The following ADAR variants were observed in gnomAD, a reference collection of about 807,000 sequenced individuals.
ADAR encodes the protein adenosine deaminase RNA specific.
Under a neutral mutation model 113.2 loss-of-function variants are expected in ADAR, and 41 were observed. The ratio of observed to expected loss-of-function variants is 0.36; its 90% CI spans 0.28 to 0.47. The LOEUF is 0.47. Among genes scored for constraint, ADAR ranks in the 20% least tolerant of loss-of-function variants. ADAR has a pLI of 1.00. For missense variants in ADAR, 1,242 were observed against 1,540.9 expected, an observed-to-expected ratio of 0.81 and a Z score of 3.25; for synonymous variants, 605 against 572.6, an observed-to-expected ratio of 1.06 and a Z score of -0.81.
At position 154,601,420 on chromosome 1, in the gene ADAR, T is replaced by C. The variant is rs773065672; in HGVS notation, c.1222A>G (p.Lys408Glu). The C allele has an allele frequency of 1.9e-6, 3 of 1,614,136 alleles. No individual in the cohort carries two copies. Among genetic ancestry groups the C allele is most frequent in the Non-Finnish European group, 2.5e-6 (3 of 1,180,062 alleles). Residue 408 changes from lysine (K) to glutamate (E), a missense_variant, in exon 2 of 15, where the codon AAA becomes GAA. Coordinates refer to ENST00000368474, the MANE Select transcript of ADAR (RefSeq NM_001111.5). The surrounding 1 kb of genome is among the most constrained non-coding windows in gnomAD (Gnocchi z 4.7). The part of the protein sequence containing the change: ...NASNNMVTTE[K>E]VENGQEPVIK... ...ACAGGTTCCTGCCCATTCTCCACTT[T>C]TTCTGTGGTTACCATGTTATTTGAG...
At chr1:154,589,983 A>T in intron 7 of ADAR, 55 bp from the exon 8 acceptor site, 1 of 1,605,336 alleles carries the variant, frequency 6.2e-7, no homozygotes, top group South Asian at 1.1e-5. Flanking sequence ...TGTCCACCAT[A>T]TTCACCGTGG....
At chr1:154,608,325 G>C (rs1244509203), upstream of ADAR, 1 of 420,464 alleles carries the variant, frequency 2.4e-6, no homozygotes, top group East Asian at 4.4e-5. Context: ...AACTACGGAA[G>C]GTACTTTTTT....
At chr1:154,585,454 C>T (rs1307493221) in intron 13 of ADAR, 110 bp from the exon 14 acceptor site, 6 of 1,524,252 alleles carry the variant, frequency 3.9e-6, no homozygotes, top group African/African-American at 1.4e-5. Flanking sequence ...CATGATCTTT[C>T]CCCTGTATTT....
At position 154,584,002 on chromosome 1, in the gene ADAR, T is replaced by G. The variant is rs185856413; in HGVS notation, c.*804A>C. ...TATTCCAAGGCATGCCCGTGCTCCCTGGGAAGTGGTCTGTGTCATCCTGCC... is the reference window on the plus strand; with the variant it reads ...TATTCCAAGGCATGCCCGTGCTCCCGGGGAAGTGGTCTGTGTCATCCTGCC... On this transcript the variant is annotated 3_prime_UTR_variant, in exon 15 of 15. Transcript: ENST00000368474. 6.6e-6 allele frequency: 1 copy of G among 152,370 alleles called. No homozygotes were observed. Among genetic ancestry groups the G allele is most frequent in the East Asian group, 1.9e-4 (1 of 5,186 alleles). The allele number at this position is 152,370 out of a possible 1,614,324, so 9.4% of individuals were successfully genotyped here.
intron 1 of ADAR, among the ~76,000 whole-genome samples, chr1:154,625,696 T>C (rs1698913019): frequency 1.3e-5 from 2 of 149,062 alleles, no homozygotes; most frequent in Admixed American, 1.3e-4. Context: ...CCATCTCTAC[T>C]AAAAATACAA....
In ADAR at chr1:154,627,303, C is replaced by G. The variant is rs540516387; in HGVS notation, c.-871+552G>C. 2.0e-4 allele frequency among the ~76,000 whole-genome samples: 31 copies of G among 152,332 alleles called. No individual in the cohort carries two copies. In the Middle Eastern group the frequency reaches 0.014, roughly 67 times the overall value. On this transcript the variant is annotated intron_variant, in intron 1 of 14. Transcript: ENST00000368471. ...ACAGGCTGAGCGCGGCGGCCGTGAC[C>G]CCGCAGTGAGCTTTCCACAGTGGCC...
chr1:154,590,692 G>T (rs558814479), intron 6 of ADAR, among the ~76,000 whole-genome samples: 37 of 152,100 alleles, frequency 2.4e-4, no homozygotes, highest in African/African-American at 8.9e-4. Flanking sequence ...GCAACTTGAG[G>T]AGCTAAGGTG....
chr1:154,589,486 A>G (rs906816776), intron 8 of ADAR, 24 bp from the exon 9 acceptor site: 1 of 1,586,804 alleles, frequency 6.3e-7, no homozygotes, highest in Middle Eastern at 1.7e-4. Flanking sequence ...TAAAACAGAA[A>G]TAGAATAATG....
chr1:154,584,710 A>G lies in ADAR; in HGVS notation c.*96T>C, dbSNP rs568849462. 7 of 1,152,018 alleles carry G rather than the reference A, an allele frequency of 6.1e-6. No individual in the cohort carries two copies. In the East Asian group the frequency reaches 1.4e-4, roughly 23 times the overall value. The allele number at this position is 1,152,018 out of a possible 1,614,324, so 71.4% of individuals were successfully genotyped here. ...GGCTTAAAAAGAAAAAAAAAGGAGAAAAAAAAATCCCCTGACCATGTGATG... is the reference window on the plus strand; with the variant it reads ...GGCTTAAAAAGAAAAAAAAAGGAGAGAAAAAAATCCCCTGACCATGTGATG... On this transcript the variant is annotated 3_prime_UTR_variant, in exon 15 of 15. Coordinates refer to ENST00000368474, the MANE Select transcript of ADAR (RefSeq NM_001111.5).
At chr1:154,613,281 C>CTTT (rs56126079) in intron 1 of ADAR, among the ~76,000 whole-genome samples, 46 of 84,670 alleles carry the variant, frequency 5.4e-4, no homozygotes, top group South Asian at 1.5e-3. Context: ...TCACAAATGG[C>CTTT]TTTTTTTTTT....
chr1:154,618,098 A>T (rs1007139934), intron 1 of ADAR, among the ~76,000 whole-genome samples: 5 of 150,622 alleles, frequency 3.3e-5, no homozygotes, highest in Admixed American at 3.3e-4. Flanking sequence ...TTACTATAGT[A>T]ATATATAAGT....
intron 1 of ADAR, among the ~76,000 whole-genome samples, chr1:154,622,573 A>G (rs1463748291): frequency 1.3e-5 from 2 of 152,226 alleles, no homozygotes; most frequent in Non-Finnish European, 2.9e-5. Context: ...TATACAACCT[A>G]TCAAAGTTCA....
At chr1:154,586,598 G>C (rs1696781238) in intron 11 of ADAR, among the ~76,000 whole-genome samples, 1 of 152,218 alleles carries the variant, frequency 6.6e-6, no homozygotes, top group African/African-American at 2.4e-5. Context: ...GATTGAAAGG[G>C]AAGAGAATAG....
At position 154,584,613 on chromosome 1, in the gene ADAR, C is replaced by G; in HGVS notation, c.*193G>C. On this transcript the variant is annotated 3_prime_UTR_variant, in exon 15 of 15. Transcript: ENST00000368474. The stretch of plus-strand genomic sequence containing the variant: ...CTTGGGGGAAAAAAGGGGGGCCTGG[C>G]CAGACCTTGCCTAGCAATCCCAAAG... 1 of 610,284 alleles carries G rather than the reference C, an allele frequency of 1.6e-6. No individual in the cohort carries two copies. Among genetic ancestry groups the G allele is most frequent in the Non-Finnish European group, 2.9e-6 (1 of 345,728 alleles). 37.8% of individuals were successfully genotyped at this position (610,284 alleles called of 1,614,324 possible).
Position 154,601,948 on chromosome 1 carries a change from T to G in ADAR, c.694A>C (p.Arg232=). Residue 232 remains arginine, a synonymous_variant, in exon 2 of 15, where the codon AGA becomes CGA. Coordinates refer to ENST00000368474, the MANE Select transcript of ADAR (RefSeq NM_001111.5). The surrounding 1 kb of genome is among the most constrained non-coding windows in gnomAD (Gnocchi z 4.7). ...NSDPSLEPED[R]NSTSVSEDLL... ...TCTTCTGAGACAGATGTGGAGTTTC[T>G]GTCTTCCGGTTCCAAACTCGGGTCT... The G allele has an allele frequency of 6.2e-7, 1 of 1,614,096 alleles. No individual in the cohort carries two copies. The highest frequency in any genetic ancestry group is 8.5e-7 in the Non-Finnish European group (1 of 1,180,002).
chr1:154,604,693 T>C (rs1698084950), intron 1 of ADAR, among the ~76,000 whole-genome samples: 1 of 152,172 alleles, frequency 6.6e-6, no homozygotes, highest in South Asian at 2.1e-4. Context: ...TCCCACCCCT[T>C]ATAATTTTTT....
rs1412101599 is a variant in ADAR, at chr1:154,583,449, G to A, written c.*1357C>T. ...AGCCAGACTCCACAGAGAGGCCAAA[G>A]GCTCTGAACACACGAGTCAATGTTC... On this transcript the variant is annotated 3_prime_UTR_variant, in exon 15 of 15. Transcript: ENST00000368474. The A allele has an allele frequency of 1.3e-5, 2 of 152,160 alleles. No homozygotes were observed. Among genetic ancestry groups the A allele is most frequent in the Non-Finnish European group, 2.9e-5 (2 of 68,036 alleles). 9.4% of individuals were successfully genotyped at this position (152,160 alleles called of 1,614,324 possible). A position where few individuals can be genotyped will look rare whatever the true frequency, so the allele number is the denominator to read the frequency against.
At chr1:154,608,548 G>C (rs1011448037), upstream of ADAR, among the ~76,000 whole-genome samples, 1 of 123,228 alleles carries the variant, frequency 8.1e-6, no homozygotes, top group African/African-American at 3.1e-5. Context: ...CACCACGTTA[G>C]CCAGGGTGGT....
In ADAR at chr1:154,601,044, G is replaced by C. The variant is rs1697838819; in HGVS notation, c.1598C>G (p.Pro533Arg). The C allele has an allele frequency of 6.2e-7, 1 of 1,614,030 alleles. No homozygotes were observed. Among genetic ancestry groups the C allele is most frequent in the Non-Finnish European group, 8.5e-7 (1 of 1,180,036 alleles). ...MIEQSGPPHE[P>R]RFKFQVVING... ...CAGTTCCTGGGTGGTCTCTTACCGA[G>C]GTTCATGGGGTGGTCCACTCTGCTC... is the stretch of plus-strand genomic sequence containing the variant. The change falls in exon 2 of 15, where the codon CCT becomes CGT. Residue 533 changes from proline to arginine, a missense_variant. Physicochemically the swap from Pro to Arg is moderately radical, Grantham distance 103. Coordinates refer to ENST00000368474, the MANE Select transcript of ADAR (RefSeq NM_001111.5). This position sits in a 1 kb window ranked among gnomAD's most constrained non-coding sequence, Gnocchi z 4.7.
Sources: gnomAD v4.1 joint callset for allele counts (sites outside exome capture counted in the v4.1 genomes callset) on GRCh38, gnomAD v4.1.1 for gene constraint, Gnocchi (gnomAD v3.1) non-coding constraint, MANE v1.5 for transcripts, NCBI Gene and HGNC (gene_info 2026-07-23, HGNC 2026-07-21) for gene names.